The following ALG5 variants were observed in gnomAD, a reference collection of about 807,000 sequenced individuals.
The protein encoded by ALG5 is dolichyl-phosphate beta-glucosyltransferase.
ALG5 carries 26 observed loss-of-function variants against 51.8 expected under a neutral mutation model. The ratio of observed to expected loss-of-function variants is 0.50; its 90% CI spans 0.37 to 0.70. The LOEUF is 0.70. Ranked by LOEUF, ALG5 falls within the 30% of genes least tolerant of loss-of-function variation. The probability of loss-of-function intolerance (pLI) is 0.00; values close to 1 mark genes in which losing one functional copy is unlikely to be tolerated. For missense variants in ALG5, 311 were observed against 399.3 expected, an observed-to-expected ratio of 0.78 and a Z score of 1.88; for synonymous variants, 141 against 136.1, an observed-to-expected ratio of 1.04 and a Z score of -0.25.
At chr13:36,992,661 AT>A (rs1315706823) in intron 4 of ALG5, among the ~76,000 whole-genome samples, 6 of 152,162 alleles carry the variant, frequency 3.9e-5, no homozygotes, top group Non-Finnish European at 5.9e-5. Context: ...TGAGGATATA[AT>A]AAACATCACT....
At chr13:36,954,232 C>T (rs1214676889) in intron 8 of ALG5, among the ~76,000 whole-genome samples, 1 of 148,896 alleles carries the variant, frequency 6.7e-6, no homozygotes, top group Non-Finnish European at 1.5e-5. Flanking sequence ...GGAGCATAGG[C>T]CCAGATATTC....
chr13:36,966,943 C>A (rs989673231), intron 7 of ALG5, among the ~76,000 whole-genome samples: 1 of 152,022 alleles, frequency 6.6e-6, no homozygotes, highest in Non-Finnish European at 1.5e-5. Flanking sequence ...CCAAATCAGG[C>A]GAGGTGCGGT....
chr13:36,986,297 C>A (rs890369664), intron 5 of ALG5, among the ~76,000 whole-genome samples: 1 of 152,066 alleles, frequency 6.6e-6, no homozygotes, highest in African/African-American at 2.4e-5. Context: ...TTATGTTATG[C>A]CATTTGCGGT....
intron 4 of ALG5, among the ~76,000 whole-genome samples, chr13:36,992,697 C>T (rs144856166): frequency 6.6e-6 from 1 of 152,190 alleles, no homozygotes; most frequent in Non-Finnish European, 1.5e-5. Context: ...TTCTCTTGTA[C>T]TATACCTTGT....
chr13:36,985,698 C>T lies in ALG5; in HGVS notation c.490G>A (p.Ala164Thr), dbSNP rs758701509. 1.2e-6 allele frequency: 2 copies of T among 1,613,786 alleles called. No homozygotes were observed. The highest frequency in any genetic ancestry group is 1.7e-6 in the Non-Finnish European group (2 of 1,179,900). ...SRGEKILMAD[A>T]DGATKFPDVE... ...TCTGGAAACTTTGTGGCTCCATCAG[C>T]ATCTGCCATAAGGATCTTTTCTCCT... The change falls in exon 6 of 10, where the codon GCT becomes ACT. Residue 164 changes from alanine (A) to threonine (T), a missense_variant. Coordinates refer to ENST00000239891, the MANE Select transcript of ALG5 (RefSeq NM_013338.5).
intron 8 of ALG5, among the ~76,000 whole-genome samples, chr13:36,962,345 T>C (rs2058871305): frequency 6.6e-6 from 1 of 152,202 alleles, no homozygotes; most frequent in South Asian, 2.1e-4. Flanking sequence ...TGACGTATTA[T>C]TGTGGTGAAG....
At chr13:36,997,575 G>A (rs1356992579) in intron 1 of ALG5, among the ~76,000 whole-genome samples, 1 of 151,670 alleles carries the variant, frequency 6.6e-6, no homozygotes, top group Non-Finnish European at 1.5e-5. Context: ...TGTGGCACTT[G>A]TTTGGATCCT....
chr13:36,963,472 C>T (rs369678439), intron 8 of ALG5, among the ~76,000 whole-genome samples: 3 of 120,666 alleles, frequency 2.5e-5, no homozygotes, highest in Admixed American at 9.0e-5. Context: ...CCACAAAGAA[C>T]CTGCATCTCT....
intron 1 of ALG5, chr13:36,998,970 G>A: frequency 2.9e-6 from 1 of 345,862 alleles, no homozygotes; most frequent in Non-Finnish European, 5.2e-6. Flanking sequence ...CGGCGATGAT[G>A]CCAGGCCGGG....
At chr13:36,972,478 T>C (rs893622864) in intron 6 of ALG5, among the ~76,000 whole-genome samples, 1 of 151,386 alleles carries the variant, frequency 6.6e-6, no homozygotes, top group Non-Finnish European at 1.5e-5. Context: ...TACAAAACTT[T>C]AGATGTCACA....
At chr13:36,959,811 T>C (rs1037446212) in intron 8 of ALG5, among the ~76,000 whole-genome samples, 5 of 152,032 alleles carry the variant, frequency 3.3e-5, no homozygotes, top group African/African-American at 1.2e-4. Flanking sequence ...CTCATATTTT[T>C]AGAAAGTTAA....
intron 6 of ALG5, among the ~76,000 whole-genome samples, chr13:36,974,198 A>G (rs1373287373): frequency 1.3e-5 from 2 of 150,668 alleles, no homozygotes; most frequent in Non-Finnish European, 2.9e-5. Context: ...TTGCAATTTA[A>G]AAAAGAATAC....
chr13:36,955,921 C>A (rs2058838125), intron 8 of ALG5, among the ~76,000 whole-genome samples: 1 of 152,068 alleles, frequency 6.6e-6, no homozygotes, highest in African/African-American at 2.4e-5. Context: ...ATGGAAAAAA[C>A]TAAATGACAC....
chr13:36,951,306 A>G (rs976896086), intron 9 of ALG5, among the ~76,000 whole-genome samples: 1 of 152,166 alleles, frequency 6.6e-6, no homozygotes, highest in Non-Finnish European at 1.5e-5. Flanking sequence ...CTGCTTCCCA[A>G]TCCCCTTTGA....
chr13:36,973,192 A>C (rs1247984211), intron 6 of ALG5, among the ~76,000 whole-genome samples: 1 of 152,022 alleles, frequency 6.6e-6, no homozygotes, highest in African/African-American at 2.4e-5. Context: ...AGGAAAATTC[A>C]AGAGTAAAGG....
At chr13:36,955,450 T>C (rs371392308) in intron 8 of ALG5, among the ~76,000 whole-genome samples, 1 of 151,716 alleles carries the variant, frequency 6.6e-6, no homozygotes, top group Non-Finnish European at 1.5e-5. Flanking sequence ...GACACTGTAG[T>C]CATGCAACAA....
At chr13:36,953,157 A>G (rs1290312829) in intron 8 of ALG5, among the ~76,000 whole-genome samples, 3 of 152,182 alleles carry the variant, frequency 2.0e-5, no homozygotes, top group East Asian at 1.9e-4. Context: ...ACTGGCAACT[A>G]TTGAAAGTAA....
chr13:36,997,166 T>G (rs950434541), intron 1 of ALG5, among the ~76,000 whole-genome samples: 3 of 151,914 alleles, frequency 2.0e-5, no homozygotes, highest in African/African-American at 7.3e-5. Context: ...ACAGGACAAA[T>G]GATCATATTA....
At chr13:36,996,795 A>G (rs1432577753) in intron 1 of ALG5, among the ~76,000 whole-genome samples, 1 of 152,216 alleles carries the variant, frequency 6.6e-6, no homozygotes, top group Non-Finnish European at 1.5e-5. Context: ...GAAGGATACA[A>G]TGAGAATATT....
Sources: allele counts gnomAD v4.1 joint callset (sites outside exome capture counted in the v4.1 genomes callset), GRCh38; gene constraint gnomAD v4.1.1; transcripts MANE v1.5; gene names NCBI Gene and HGNC (gene_info 2026-07-23, HGNC 2026-07-21).